UTRN: variants seen among roughly 807,000 people sequenced by gnomAD.
UTRN encodes dystrophin-related protein 1.
UTRN carries 283 observed loss-of-function variants against 463.9 expected under a neutral mutation model. The observed-to-expected ratio is 0.61, with a 90% CI of 0.55 to 0.67. The LOEUF is 0.67. Among genes scored for constraint, UTRN ranks in the 30% least tolerant of loss-of-function variants. UTRN has a pLI of 0.00. For synonymous variants in UTRN, 1,442 were observed against 1,431.5 expected, an observed-to-expected ratio of 1.01 and a Z score of -0.17; for missense variants, 3,922 against 4,084.3, an observed-to-expected ratio of 0.96 and a Z score of 1.08.
chr6:144,681,393 C>G (rs1782181389), intron 52 of UTRN, among the ~76,000 whole-genome samples: 1 of 152,028 alleles, frequency 6.6e-6, no homozygotes, highest in Non-Finnish European at 1.5e-5. Context: ...CTGAGAAGTC[C>G]CTATCCTGAA....
At chr6:144,426,598 A>G in intron 7 of UTRN, 139 bp downstream of exon 7, 1 of 895,222 alleles carries the variant, frequency 1.1e-6, no homozygotes, top group Non-Finnish European at 1.5e-6. Context: ...CAAAACCTTA[A>G]GAAAAGAAAT....
intron 42 of UTRN, among the ~76,000 whole-genome samples, chr6:144,532,259 A>T (rs1430201571): frequency 6.6e-6 from 1 of 152,238 alleles, no homozygotes; most frequent in Non-Finnish European, 1.5e-5. Context: ...TTTGTAGACC[A>T]GTGTATTAGT....
At chr6:144,767,773 A>G (rs1329994584) in intron 58 of UTRN, among the ~76,000 whole-genome samples, 1 of 152,142 alleles carries the variant, frequency 6.6e-6, no homozygotes, top group Non-Finnish European at 1.5e-5. Flanking sequence ...TGATTGTCTT[A>G]TCTCAGAGCA....
intron 9 of UTRN, among the ~76,000 whole-genome samples, chr6:144,433,306 G>T (rs1786094737): frequency 6.7e-6 from 1 of 150,304 alleles, no homozygotes; most frequent in African/African-American, 2.5e-5. Context: ...CGGCTGGCCG[G>T]GTGGGGGGCT....
chr6:144,445,332 C>G (rs1488558365), intron 14 of UTRN, among the ~76,000 whole-genome samples: 11 of 109,828 alleles, frequency 1.0e-4, no homozygotes, highest in Non-Finnish European at 5.1e-5. Flanking sequence ...GCCTGGGAGA[C>G]AAGAGCGAGA....
intron 33 of UTRN, among the ~76,000 whole-genome samples, chr6:144,498,861 G>A (rs1468958691): frequency 6.6e-6 from 1 of 151,988 alleles, no homozygotes; most frequent in African/African-American, 2.4e-5. Flanking sequence ...TCATTTTGTA[G>A]AAAATGAGGT....
intron 66 of UTRN, 48 bp from the exon 67 acceptor site, chr6:144,827,300 C>T (rs1177044664): frequency 1.2e-6 from 2 of 1,609,050 alleles, no homozygotes; most frequent in East Asian, 2.2e-5. Context: ...TTAAATTGCT[C>T]TAAAGTGTTT....
At chr6:144,675,693 A>T (rs1353409550) in intron 51 of UTRN, among the ~76,000 whole-genome samples, 1 of 152,138 alleles carries the variant, frequency 6.6e-6, no homozygotes, top group African/African-American at 2.4e-5. Flanking sequence ...ATCTCAGGTG[A>T]TGGGTAAGGC....
At chr6:144,502,960 G>GTA (rs1794338252) in intron 34 of UTRN, among the ~76,000 whole-genome samples, 4 of 152,132 alleles carry the variant, frequency 2.6e-5, no homozygotes, top group Admixed American at 2.0e-4. Flanking sequence ...GTGTGAGATG[G>GTA]TATCTCATTG....
At chr6:144,709,619 C>T (rs527640876) in intron 53 of UTRN, among the ~76,000 whole-genome samples, 1 of 152,264 alleles carries the variant, frequency 6.6e-6, no homozygotes, top group South Asian at 2.1e-4. Context: ...GTTTGAATTA[C>T]TTTATTTCAA....
intron 73 of UTRN, among the ~76,000 whole-genome samples, chr6:144,841,435 C>T (rs1355894621): frequency 6.6e-6 from 1 of 152,150 alleles, no homozygotes; most frequent in Non-Finnish European, 1.5e-5. Flanking sequence ...CAGAAAATAA[C>T]CAAATTCCTG....
chr6:144,732,799 C>T lies in UTRN; in HGVS notation c.7939+2313C>T, dbSNP rs971572798. 5.9e-5 allele frequency among the ~76,000 whole-genome samples: 9 copies of T among 152,094 alleles called. No homozygotes were observed. In the South Asian group the frequency reaches 8.3e-4, roughly 14 times the overall value. On this transcript the variant is annotated intron_variant, in intron 54 of 74. Transcript: ENST00000367545. The stretch of plus-strand genomic sequence containing the variant: ...GAAATCACGGCCCACTGCACATCAA[C>T]GTCCCAGGATCAAGTGATCAATCCT...
intron 48 of UTRN, 75 bp downstream of exon 48, chr6:144,551,157 AC>A: frequency 1.2e-6 from 1 of 838,116 alleles, no homozygotes; most frequent in South Asian, 2.0e-5. Flanking sequence ...ACACACACAC[AC>A]ACACACACAC....
At chr6:144,398,385 G>A (rs1782644421) in intron 2 of UTRN, 1 of 371,942 alleles carries the variant, frequency 2.7e-6, no homozygotes, top group African/African-American at 2.2e-5. Flanking sequence ...TCCTTCACTG[G>A]GCATCTGGCT....
At chr6:144,716,164 A>G (rs1786422519) in intron 53 of UTRN, among the ~76,000 whole-genome samples, 1 of 152,034 alleles carries the variant, frequency 6.6e-6, no homozygotes, top group Non-Finnish European at 1.5e-5. Flanking sequence ...CAACTCAAGA[A>G]TGGGAAAGAT....
At chr6:144,820,385 A>G (rs1562949759) in intron 65 of UTRN, among the ~76,000 whole-genome samples, 1 of 151,678 alleles carries the variant, frequency 6.6e-6, no homozygotes, top group Non-Finnish European at 1.5e-5. Flanking sequence ...TCTCTTATTT[A>G]TTGTCTTACC....
chr6:144,713,015 C>T (rs1216554557), intron 53 of UTRN, among the ~76,000 whole-genome samples: 1 of 152,106 alleles, frequency 6.6e-6, no homozygotes, highest in Non-Finnish European at 1.5e-5. Context: ...TAATCCAGTG[C>T]CACATTAGAA....
At chr6:144,332,390 G>A (rs1255166098) in intron 2 of UTRN, among the ~76,000 whole-genome samples, 3 of 152,192 alleles carry the variant, frequency 2.0e-5, no homozygotes, top group Middle Eastern at 3.4e-3. Flanking sequence ...ATGAAAAGGC[G>A]GAGTCACTTA....
intron 54 of UTRN, among the ~76,000 whole-genome samples, chr6:144,732,084 A>C (rs1276995692): frequency 2.7e-5 from 4 of 150,380 alleles, no homozygotes; most frequent in African/African-American, 9.8e-5. Context: ...CTGGTCTTGA[A>C]CTCTTGGCGT....
Sources: gnomAD v4.1 joint callset for allele counts (sites outside exome capture counted in the v4.1 genomes callset) on GRCh38, gnomAD v4.1.1 for gene constraint, MANE v1.5 for transcripts, NCBI Gene and HGNC (gene_info 2026-07-23, HGNC 2026-07-21) for gene names.